The following TMEM232 variants were observed in gnomAD, a reference collection of about 807,000 sequenced individuals.
TMEM232 encodes the protein transmembrane protein 232.
Under a neutral mutation model 78.8 loss-of-function variants are expected in TMEM232, and 80 were observed. The ratio of observed to expected loss-of-function variants is 1.01; its 90% CI spans 0.85 to 1.22. The LOEUF (loss-of-function observed/expected upper bound fraction) is 1.22. Ranked by LOEUF, TMEM232 falls within the 50% of genes most tolerant of loss-of-function variation. The pLI, the probability that TMEM232 is intolerant of heterozygous loss-of-function variation, is 0.00. For synonymous variants in TMEM232, 297 were observed against 254.3 expected (o/e 1.17, Z -1.60); for missense variants, 881 against 742.2 (o/e 1.19, Z -2.17).
intron 1 of TMEM232, among the ~76,000 whole-genome samples, chr5:110,735,415 T>C (rs1241679075): frequency 6.6e-6 from 1 of 152,236 alleles, no homozygotes; most frequent in Admixed American, 6.5e-5. Flanking sequence ...AAATTAATCC[T>C]TTATTTACTA....
intron 10 of TMEM232, among the ~76,000 whole-genome samples, chr5:110,581,240 G>C (rs1157829637): frequency 2.0e-5 from 3 of 151,842 alleles, no homozygotes; most frequent in Non-Finnish European, 2.9e-5. Flanking sequence ...CAAAGCCAGA[G>C]GCATTACATT....
chr5:110,583,958 T>C (rs1488614712), intron 10 of TMEM232, among the ~76,000 whole-genome samples: 1 of 137,930 alleles, frequency 7.3e-6, no homozygotes, highest in Non-Finnish European at 1.5e-5. Context: ...TGTTAGAATA[T>C]CTATTATCAA....
At chr5:110,692,041 C>T (rs1421705315) in intron 1 of TMEM232, among the ~76,000 whole-genome samples, 2 of 152,164 alleles carry the variant, frequency 1.3e-5, no homozygotes, top group African/African-American at 4.8e-5. Context: ...TTGCCTCAGC[C>T]TCCTGAGTAG....
intron 2 of TMEM232, among the ~76,000 whole-genome samples, chr5:110,655,436 G>A (rs1431802990): frequency 1.4e-5 from 2 of 145,598 alleles, no homozygotes; most frequent in Non-Finnish European, 3.0e-5. Flanking sequence ...GGAGAAATAG[G>A]AACACTTTTA....
rs992076964 is a variant in TMEM232 at position 110,537,557 on chromosome 5, G to A, written c.1456-8722C>T. Among the ~76,000 whole-genome samples, 7 of 152,184 alleles carry A rather than the reference G, an allele frequency of 4.6e-5. No individual in the cohort carries two copies. The South Asian group carries it at 1.2e-3, about 27-fold the overall frequency. On this transcript the variant is annotated intron_variant, in intron 11 of 13. Transcript: ENST00000455884. ...ATTACAGATGACCTCCTTTTACAAG[G>A]GCTACCTGTCTCTCAGGGTGAACAG...
chr5:110,474,476 C>T (rs1763027626), intron 12 of TMEM232, among the ~76,000 whole-genome samples: 1 of 151,260 alleles, frequency 6.6e-6, no homozygotes, highest in Non-Finnish European at 1.5e-5. Flanking sequence ...TTTACTCAGA[C>T]CTTTACCCAT....
chr5:110,487,787 G>C (rs1340159066), intron 12 of TMEM232, among the ~76,000 whole-genome samples: 1 of 151,914 alleles, frequency 6.6e-6, no homozygotes, highest in Non-Finnish European at 1.5e-5. Context: ...TCCTTTCCTG[G>C]TTTTGGTATT....
chr5:110,499,337 G>A (rs1290429935), intron 12 of TMEM232, among the ~76,000 whole-genome samples: 1 of 152,026 alleles, frequency 6.6e-6, no homozygotes, highest in African/African-American at 2.4e-5. Context: ...CTGACACCCC[G>A]GCTGAGTGCA....
intron 2 of TMEM232, among the ~76,000 whole-genome samples, chr5:110,662,659 C>T (rs887983417): frequency 2.0e-5 from 3 of 152,026 alleles, no homozygotes; most frequent in African/African-American, 7.2e-5. Context: ...GTGAAGCAGA[C>T]TATAGAGCAG....
chr5:110,548,045 C>T (rs1773998954), intron 11 of TMEM232, among the ~76,000 whole-genome samples: 1 of 144,132 alleles, frequency 6.9e-6, no homozygotes, highest in Admixed American at 6.9e-5. Flanking sequence ...TGAATACTCA[C>T]AGAATTCAAC....
intron 12 of TMEM232, among the ~76,000 whole-genome samples, chr5:110,479,682 G>A (rs1350912127): frequency 6.6e-6 from 1 of 151,324 alleles, no homozygotes; most frequent in Non-Finnish European, 1.5e-5. Context: ...GGTTTTTTTA[G>A]TTGACCACTA....
chr5:110,401,382 G>C (rs1341188996), intron 2 of TMEM232, among the ~76,000 whole-genome samples: 1 of 151,494 alleles, frequency 6.6e-6, no homozygotes, highest in Non-Finnish European at 1.5e-5. Flanking sequence ...CATATAAGAG[G>C]TGACTGGAAC....
chr5:110,582,276 T>A (rs1352223181), intron 10 of TMEM232, among the ~76,000 whole-genome samples: 1 of 151,812 alleles, frequency 6.6e-6, no homozygotes, highest in Non-Finnish European at 1.5e-5. Flanking sequence ...CCATCAACAG[T>A]GAACTGGATA....
chr5:110,449,194 GA>G (rs1376659418), intron 12 of TMEM232, among the ~76,000 whole-genome samples: 2 of 151,932 alleles, frequency 1.3e-5, no homozygotes, highest in African/African-American at 4.8e-5. Context: ...ATTTTATATT[GA>G]AAAATGGTAT....
At chr5:110,582,219 T>C (rs956959486) in intron 10 of TMEM232, among the ~76,000 whole-genome samples, 3 of 151,912 alleles carry the variant, frequency 2.0e-5, no homozygotes, top group Admixed American at 6.6e-5. Flanking sequence ...TGTACATTCA[T>C]TGTAGCACTA....
At chr5:110,464,965 T>C (rs1222025919) in intron 12 of TMEM232, among the ~76,000 whole-genome samples, 5 of 152,152 alleles carry the variant, frequency 3.3e-5, no homozygotes, top group Admixed American at 3.3e-4. Flanking sequence ...TGGTAATGCT[T>C]ACACAGGAAG....
chr5:110,656,111 C>A (rs892393166), intron 2 of TMEM232, among the ~76,000 whole-genome samples: 1 of 151,994 alleles, frequency 6.6e-6, no homozygotes, highest in Non-Finnish European at 1.5e-5. Context: ...TTATGTACAG[C>A]CAAAACCTAT....
At chr5:110,621,345 A>C (rs1561401533) in intron 7 of TMEM232, among the ~76,000 whole-genome samples, 1 of 152,112 alleles carries the variant, frequency 6.6e-6, no homozygotes, top group African/African-American at 2.4e-5. Flanking sequence ...CTTTACCCTA[A>C]ATCAGTCCTG....
intron 4 of TMEM232, among the ~76,000 whole-genome samples, chr5:110,390,040 A>C (rs1281416149): frequency 6.6e-6 from 1 of 152,152 alleles, no homozygotes; most frequent in Non-Finnish European, 1.5e-5. Flanking sequence ...ATTCTGCAGA[A>C]TTTTACCTCC....
Sources: allele counts gnomAD v4.1 joint callset (sites outside exome capture counted in the v4.1 genomes callset), GRCh38; gene constraint gnomAD v4.1.1; transcripts MANE v1.5; gene names NCBI Gene and HGNC (gene_info 2026-07-23, HGNC 2026-07-21).